The following IL17RA variants were observed in gnomAD, a reference collection of about 807,000 sequenced individuals.
The protein encoded by IL17RA is interleukin 17 receptor A, also known as interleukin-17 receptor A.
Under a neutral mutation model 50.4 loss-of-function variants are expected in IL17RA, and 34 were observed. The ratio of observed to expected loss-of-function variants is 0.67; its 90% CI spans 0.51 to 0.90. The LOEUF is 0.90. Ranked by LOEUF, IL17RA falls within the 40% of genes least tolerant of loss-of-function variation. The pLI is 0.00. For synonymous variants in IL17RA, 585 were observed against 510.4 expected (o/e 1.15, Z -1.97); for missense variants, 1,276 against 1,169.8 (o/e 1.09, Z -1.32).
At position 17,108,922 on chromosome 22, in the gene IL17RA, G is replaced by C. The variant is rs776151079; in HGVS notation, c.1703G>C (p.Arg568Pro). The C allele has an allele frequency of 6.2e-7, 1 of 1,611,574 alleles. No individual in the cohort carries two copies. The highest frequency in any genetic ancestry group is 1.3e-5 in the African/African-American group (1 of 74,918). The change falls in exon 13 of 13, where the codon CGC becomes CCC. Residue 568 changes from arginine to proline, a missense_variant. By Grantham distance (103) the Arg-to-Pro change is moderately radical. Transcript: ENST00000319363. ...YLRSPGGRQLRAALDRFRDWQ... is the reference protein window; with the variant it reads ...YLRSPGGRQLPAALDRFRDWQ... The stretch of plus-strand genomic sequence containing the variant: ...CGGAGCCCGGGCGGCAGGCAGCTCC[G>C]CGCCGCCCTGGACAGGTTCCGGGAC...
chr22:17,106,542 G>C (rs955705757), intron 11 of IL17RA, among the ~76,000 whole-genome samples: 7 of 152,202 alleles, frequency 4.6e-5, no homozygotes, highest in African/African-American at 1.4e-4. Flanking sequence ...GTGGGGATTA[G>C]TACATACCAG....
At chr22:17,088,522 G>C (rs889239445) in intron 1 of IL17RA, among the ~76,000 whole-genome samples, 4 of 151,970 alleles carry the variant, frequency 2.6e-5, no homozygotes, top group African/African-American at 9.7e-5. Flanking sequence ...GAAAGACACT[G>C]TCGCCCAGGC....
chr22:17,091,452 G>A (rs1474795092), intron 1 of IL17RA, among the ~76,000 whole-genome samples: 2 of 152,112 alleles, frequency 1.3e-5, no homozygotes, highest in Non-Finnish European at 2.9e-5. Context: ...CGAGGCGGGC[G>A]GATCACGAGG....
rs1555873339 is a variant in IL17RA, at chr22:17,094,668, T to TCTCTCTCTCTCTCTCTCTCC, written c.139-2375_139-2374insCCTCTCTCTCTCTCTCTCTC. On this transcript the variant is annotated intron_variant, in intron 1 of 12. Transcript: ENST00000319363. ...TAGTCATACACACACTCTCTCTCTC[T>TCTCTCTCTCTCTCTCTCTCC]CTCTCTCTCTCTCTCTCTCTCTCTA... is the stretch of plus-strand genomic sequence containing the variant. Among the ~76,000 whole-genome samples the TCTCTCTCTCTCTCTCTCTCC allele has an allele frequency of 5.1e-3, 175 of 34,196 alleles. 9 individuals carry two copies. Among genetic ancestry groups the TCTCTCTCTCTCTCTCTCTCC allele is most frequent in the African/African-American group, 0.025 (130 of 5,220 alleles). 22.4% of individuals were successfully genotyped at this position (34,196 alleles called of 152,430 possible). A position where few individuals can be genotyped will look rare whatever the true frequency, so the allele number is the denominator to read the frequency against.
chr22:17,108,010 G>A (rs890551771), intron 12 of IL17RA, among the ~76,000 whole-genome samples: 17 of 152,222 alleles, frequency 1.1e-4, no homozygotes, highest in African/African-American at 4.1e-4. Context: ...GGTCCTCCCT[G>A]GAGCAGACCA....
chr22:17,107,685 C>A, intron 11 of IL17RA, 42 bp from the exon 12 acceptor site: 1 of 1,571,576 alleles, frequency 6.4e-7, no homozygotes, highest in Non-Finnish European at 8.8e-7. Context: ...TTCTATTTCT[C>A]TTCCCAAAGA....
chr22:17,109,962 TC>T lies in IL17RA; in HGVS notation c.*145del, dbSNP rs2061433946. On this transcript the variant is annotated 3_prime_UTR_variant, in exon 13 of 13. Coordinates refer to ENST00000319363, the MANE Select transcript of IL17RA (RefSeq NM_014339.7). ...TAAAATGTAAATGTCTGGATTTTAA[TC>T]CCAGGCATCCCTCCTAACTTTTCTT... is the stretch of plus-strand genomic sequence containing the variant. 5 of 838,876 alleles carry T rather than the reference TC, an allele frequency of 6.0e-6. No homozygotes were observed. Among genetic ancestry groups the T allele is most frequent in the African/African-American group, 1.7e-5 (1 of 58,586 alleles). 52.0% of individuals were successfully genotyped at this position (838,876 alleles called of 1,614,324 possible). A position where few individuals can be genotyped will look rare whatever the true frequency, so the allele number is the denominator to read the frequency against.
At chr22:17,090,629 T>G (rs900108658) in intron 1 of IL17RA, among the ~76,000 whole-genome samples, 1 of 152,254 alleles carries the variant, frequency 6.6e-6, no homozygotes. Flanking sequence ...ATTCATGATT[T>G]GTTAATTTTA....
Position 17,109,305 on chromosome 22 carries a change from C to A in IL17RA, c.2086C>A (p.Leu696Met), listed in dbSNP as rs886057204. Residue 696 changes from leucine to methionine, a missense_variant, in exon 13 of 13, where the codon CTG (leucine) becomes ATG (methionine). Transcript: ENST00000319363. ...LADGAAVRLA[L>M]AGEGEACPLL... ...TGACGGTGCCGCAGTCCGGCTGGCA[C>A]TGGCGGGGGAGGGCGAGGCCTGCCC... 7.2e-6 allele frequency: 11 copies of A among 1,530,576 alleles called. No homozygotes were observed. The highest frequency in any genetic ancestry group is 8.8e-6 in the Non-Finnish European group (10 of 1,142,774). 94.8% of individuals were successfully genotyped at this position (1,530,576 alleles called of 1,614,324 possible). A position where few individuals can be genotyped will look rare whatever the true frequency, so the allele number is the denominator to read the frequency against.
Position 17,109,434 on chromosome 22 carries a change from C to G in IL17RA, c.2215C>G (p.Leu739Val), listed in dbSNP as rs774973347. Residue 739 changes from leucine to valine, a missense_variant, in exon 13 of 13, where the codon CTC becomes GTC. Transcript: ENST00000319363. ...CAGCACCCCCATGGCGTCTCCTGAC[C>G]TCCTTCCAGAGGACGTGAGGGAGCA... ...GSSTPMASPD[L>V]LPEDVREHLE... The G allele has an allele frequency of 8.7e-6, 14 of 1,613,224 alleles. No homozygotes were observed. Among genetic ancestry groups the G allele is most frequent in the Non-Finnish European group, 1.2e-5 (14 of 1,179,910 alleles).
chr22:17,097,541 A>C (rs1033629241), intron 2 of IL17RA: 1 of 577,674 alleles, frequency 1.7e-6, no homozygotes, highest in African/African-American at 1.9e-5. Flanking sequence ...CCCAATCACA[A>C]CTTCTTCTCA....
In IL17RA at chr22:17,110,509, A is replaced by G; in HGVS notation, c.*689A>G. 6.5e-6 allele frequency: 1 copy of G among 153,332 alleles called. No homozygotes were observed. Among genetic ancestry groups the G allele is most frequent in the East Asian group, 1.9e-4 (1 of 5,172 alleles). The allele number at this position is 153,332 out of a possible 1,614,324, so 9.5% of individuals were successfully genotyped here. A position where few individuals can be genotyped will look rare whatever the true frequency, so the allele number is the denominator to read the frequency against. On this transcript the variant is annotated 3_prime_UTR_variant, in exon 13 of 13. Coordinates refer to ENST00000319363, the MANE Select transcript of IL17RA (RefSeq NM_014339.7). Reference sequence around the variant, plus strand: ...CGAGACTCTATCTCAAAAAAAAAAAAAAAAAAAGATGGTCACGCGGGATGT... The same window carrying G: ...CGAGACTCTATCTCAAAAAAAAAAAGAAAAAAAGATGGTCACGCGGGATGT...
Position 17,112,931 on chromosome 22 carries a change from A to T in IL17RA, c.*3111A>T, listed in dbSNP as rs1347548746. The stretch of plus-strand genomic sequence containing the variant: ...CCGATTATGCACGCAGCCACCAACA[A>T]GCTCCCAACTCCCGCGTAGAGTTTC... On this transcript the variant is annotated 3_prime_UTR_variant, in exon 13 of 13. Coordinates refer to ENST00000319363, the MANE Select transcript of IL17RA (RefSeq NM_014339.7). The T allele has an allele frequency of 1.3e-5, 2 of 151,626 alleles. No homozygotes were observed. Among genetic ancestry groups the T allele is most frequent in the Non-Finnish European group, 2.9e-5 (2 of 68,014 alleles). 9.4% of individuals were successfully genotyped at this position (151,626 alleles called of 1,614,324 possible). A position where few individuals can be genotyped will look rare whatever the true frequency, so the allele number is the denominator to read the frequency against.
At chr22:17,086,682 A>C (rs1046974242) in intron 1 of IL17RA, among the ~76,000 whole-genome samples, 2 of 152,220 alleles carry the variant, frequency 1.3e-5, no homozygotes, top group Non-Finnish European at 2.9e-5. Context: ...CTGCTTGCAC[A>C]ACTGCTAAGT....
rs41525344 is a variant in IL17RA, at chr22:17,085,059, C to G, written c.-33C>G. 1.5e-3 allele frequency: 1,920 copies of G among 1,290,200 alleles called. 31 individuals are homozygous for G. The African/African-American group carries it at 0.028, about 19-fold the overall frequency. The allele number at this position is 1,290,200 out of a possible 1,614,324, so 79.9% of individuals were successfully genotyped here. A position where few individuals can be genotyped will look rare whatever the true frequency, so the allele number is the denominator to read the frequency against. ...AACGTTCGTTCGCTGCGTCCCCAGC[C>G]GGGGCCGAGCCCTCCGCGACGCCAG... is the stretch of plus-strand genomic sequence containing the variant. On this transcript the variant is annotated 5_prime_UTR_variant, in exon 1 of 13. Coordinates refer to ENST00000319363, the MANE Select transcript of IL17RA (RefSeq NM_014339.7).
Position 17,103,195 on chromosome 22 carries a change from G to A in IL17RA, c.763-299G>A, listed in dbSNP as rs546245794. ...ATGAAGCCAGCTCAGTGCAGGAAACGTGTGCTGTGTGGTTCTGTACAACTG... is the reference window on the plus strand; with the variant it reads ...ATGAAGCCAGCTCAGTGCAGGAAACATGTGCTGTGTGGTTCTGTACAACTG... On this transcript the variant is annotated intron_variant, in intron 7 of 12. Coordinates refer to ENST00000319363, the MANE Select transcript of IL17RA (RefSeq NM_014339.7). 8.5e-5 allele frequency among the ~76,000 whole-genome samples: 13 copies of A among 152,336 alleles called. No homozygotes were observed. In the East Asian group the frequency reaches 1.7e-3, roughly 20 times the overall value.
intron 12 of IL17RA, 42 bp from the exon 13 acceptor site, chr22:17,108,265 G>A: frequency 6.2e-7 from 1 of 1,602,186 alleles, no homozygotes. Context: ...GCTGCCCTGG[G>A]CCCTGGGGTG....
chr22:17,103,990 AGAGT>A (rs775330096), intron 8 of IL17RA, among the ~76,000 whole-genome samples: 1 of 9,572 alleles, frequency 1.0e-4, no homozygotes, highest in Non-Finnish European at 1.7e-4. Flanking sequence ...ACAGGTGGAG[AGAGT>A]GGTGTGGCTG....
At position 17,094,691 on chromosome 22, in the gene IL17RA, C is replaced by CTATA. The variant is rs1188416715; in HGVS notation, c.139-2347_139-2344dup. ...TCTCTCTCTCTCTCTCTCTCTCTCT[C>CTATA]TATATATATATATATATATATATAT... On this transcript the variant is annotated intron_variant, in intron 1 of 12. Transcript: ENST00000319363. 2.7e-3 allele frequency among the ~76,000 whole-genome samples: 66 copies of CTATA among 24,690 alleles called. 4 individuals are homozygous for CTATA. The highest frequency in any genetic ancestry group is 3.5e-3 in the South Asian group (2 of 570). The allele number at this position is 24,690 out of a possible 152,430, so 16.2% of individuals were successfully genotyped here. A position where few individuals can be genotyped will look rare whatever the true frequency, so the allele number is the denominator to read the frequency against.
Sources: allele counts gnomAD v4.1 joint callset (sites outside exome capture counted in the v4.1 genomes callset), GRCh38; gene constraint gnomAD v4.1.1; transcripts MANE v1.5; gene names NCBI Gene and HGNC (gene_info 2026-07-23, HGNC 2026-07-21).